TENM2: variants seen among roughly 807,000 people sequenced by gnomAD.
TENM2 encodes teneurin transmembrane protein 2.
Under a neutral mutation model 245.2 loss-of-function variants are expected in TENM2, and 52 were observed. The ratio of observed to expected loss-of-function variants is 0.21; its 90% CI spans 0.17 to 0.27. TENM2 has a LOEUF of 0.27. Among genes scored for constraint, TENM2 ranks in the 10% least tolerant of loss-of-function variants. The pLI is 1.00. For missense variants in TENM2, 3,046 were observed against 3,666.8 expected (o/e 0.83, Z 4.37); for synonymous variants, 1,363 against 1,438.9 (o/e 0.95, Z 1.19).
At chr5:167,065,731 T>C in the TENM2 span, among the ~76,000 whole-genome samples, 2 of 152,206 alleles carry the variant, frequency 1.3e-5, no homozygotes, top group East Asian at 1.9e-4. Flanking sequence ...TGAATTCCCA[T>C]AAAGCCCATT....
intron 2 of TENM2, among the ~76,000 whole-genome samples, chr5:167,669,929 A>G (rs1755825152): frequency 6.6e-6 from 1 of 152,130 alleles, no homozygotes; most frequent in African/African-American, 2.4e-5. Context: ...AGTTAGAACA[A>G]TAGTCCTCAT....
intron 5 of TENM2, among the ~76,000 whole-genome samples, chr5:167,997,120 T>G (rs1163510590): frequency 6.6e-6 from 1 of 152,204 alleles, no homozygotes; most frequent in Non-Finnish European, 1.5e-5. Flanking sequence ...AAATAAAATC[T>G]GCATATTACA....
At chr5:167,921,844 G>T (rs1194045854) in intron 3 of TENM2, among the ~76,000 whole-genome samples, 4 of 152,152 alleles carry the variant, frequency 2.6e-5, no homozygotes, top group African/African-American at 9.7e-5. Context: ...AGACAGCCCT[G>T]TGGGAATACT....
At chr5:167,157,757 T>C in the TENM2 span, among the ~76,000 whole-genome samples, 1 of 152,228 alleles carries the variant, frequency 6.6e-6, no homozygotes, top group Non-Finnish European at 1.5e-5. Flanking sequence ...GCGAACTTTT[T>C]TATAATCCAC....
the TENM2 span, among the ~76,000 whole-genome samples, chr5:167,205,864 A>G: frequency 1.3e-5 from 2 of 152,300 alleles, no homozygotes; most frequent in South Asian, 2.1e-4. Flanking sequence ...TTGTGGTTGT[A>G]GGACTTAAGT....
chr5:167,588,554 A>T (rs1253117889), intron 2 of TENM2, among the ~76,000 whole-genome samples: 2 of 152,220 alleles, frequency 1.3e-5, no homozygotes, highest in Non-Finnish European at 2.9e-5. Context: ...ATACTTAGTT[A>T]CTTAGTTACA....
At chr5:168,135,330 G>A (rs778975472) in intron 12 of TENM2, among the ~76,000 whole-genome samples, 2 of 152,048 alleles carry the variant, frequency 1.3e-5, no homozygotes, top group Non-Finnish European at 2.9e-5. Context: ...ATTTTTCCTC[G>A]CAAGTTTCCT....
At chr5:167,023,801 A>G in the TENM2 span, among the ~76,000 whole-genome samples, 5 of 152,336 alleles carry the variant, frequency 3.3e-5, no homozygotes, top group Non-Finnish European at 7.3e-5. Context: ...AATGAGGCAC[A>G]TATTAATGTA....
At chr5:167,824,938 C>G (rs569967976) in intron 2 of TENM2, among the ~76,000 whole-genome samples, 1 of 152,130 alleles carries the variant, frequency 6.6e-6, no homozygotes, top group Non-Finnish European at 1.5e-5. Flanking sequence ...AGTCAACAGG[C>G]GCCTGCAAAG....
chr5:167,281,172 G>A (rs1262849544), upstream of TENM2, among the ~76,000 whole-genome samples: 2 of 150,606 alleles, frequency 1.3e-5, no homozygotes, highest in South Asian at 2.1e-4. Flanking sequence ...GCAGTGGTAC[G>A]ATCTTGGCTC....
chr5:168,050,062 C>T (rs1245931486), intron 6 of TENM2, among the ~76,000 whole-genome samples: 1 of 152,170 alleles, frequency 6.6e-6, no homozygotes, highest in Non-Finnish European at 1.5e-5. Context: ...CTCGGCCCCC[C>T]AAAGTGCTGG....
At chr5:167,742,794 A>G (rs1033433996) in intron 2 of TENM2, among the ~76,000 whole-genome samples, 2 of 151,894 alleles carry the variant, frequency 1.3e-5, no homozygotes, top group African/African-American at 4.8e-5. Context: ...CAAAAAAAAA[A>G]AAAGAAAGAA....
intron 2 of TENM2, among the ~76,000 whole-genome samples, chr5:167,446,183 T>C (rs986582914): frequency 6.6e-6 from 1 of 152,196 alleles, no homozygotes; most frequent in Non-Finnish European, 1.5e-5. Context: ...ACAGTTTGAA[T>C]TTAGTGTTTT....
At chr5:167,438,661 T>C (rs1306098740) in intron 2 of TENM2, among the ~76,000 whole-genome samples, 1 of 152,152 alleles carries the variant, frequency 6.6e-6, no homozygotes, top group Non-Finnish European at 1.5e-5. Context: ...CCTCCCAAAG[T>C]GCTGGGATTA....
intron 2 of TENM2, among the ~76,000 whole-genome samples, chr5:167,562,730 G>A (rs1222892998): frequency 6.6e-6 from 1 of 152,106 alleles, no homozygotes; most frequent in African/African-American, 2.4e-5. Flanking sequence ...GCTGAGGCGG[G>A]TGGATCACCT....
chr5:167,918,774 CTT>C (rs36028538), intron 3 of TENM2, among the ~76,000 whole-genome samples: 98 of 140,924 alleles, frequency 7.0e-4, no homozygotes, highest in Admixed American at 7.8e-4. Flanking sequence ...TATTTTTCTC[CTT>C]TTTTTTTTTT....
At chr5:168,212,235 A>G (rs559304353) in intron 20 of TENM2, among the ~76,000 whole-genome samples, 13 of 152,346 alleles carry the variant, frequency 8.5e-5, no homozygotes, top group Non-Finnish European at 1.8e-4. Context: ...AATGAATCCA[A>G]CAGTCAGATG....
chr5:167,831,552 A>G (rs949281860), intron 2 of TENM2, among the ~76,000 whole-genome samples: 3 of 148,978 alleles, frequency 2.0e-5, no homozygotes, highest in East Asian at 3.9e-4. Flanking sequence ...TTTGGCCCCA[A>G]TGCAATAAAA....
At chr5:167,801,814 A>G (rs957809998) in intron 2 of TENM2, among the ~76,000 whole-genome samples, 7 of 152,102 alleles carry the variant, frequency 4.6e-5, no homozygotes, top group Non-Finnish European at 1.0e-4. Context: ...GCCAATAGGC[A>G]GAGAATGGGT....
Sources: gnomAD v4.1 joint callset for allele counts (sites outside exome capture counted in the v4.1 genomes callset) on GRCh38, gnomAD v4.1.1 for gene constraint, MANE v1.5 for transcripts, NCBI Gene and HGNC (gene_info 2026-07-23, HGNC 2026-07-21) for gene names.